The following ECI2 variants were observed in gnomAD, a reference collection of about 807,000 sequenced individuals.
ECI2 encodes enoyl-CoA delta isomerase 2, also known as D3,D2-enoyl-CoA isomerase.
ECI2 carries 27 observed loss-of-function variants against 38.4 expected under a neutral mutation model. The ratio of observed to expected loss-of-function variants is 0.70; its 90% CI spans 0.52 to 0.97. The LOEUF is 0.97. Ranked by LOEUF, ECI2 falls within the 50% of genes least tolerant of loss-of-function variation. ECI2 has a pLI of 0.00. For synonymous variants in ECI2, 168 were observed against 172.0 expected, an observed-to-expected ratio of 0.98 and a Z score of 0.18; for missense variants, 470 against 474.4, an observed-to-expected ratio of 0.99 and a Z score of 0.09.
At position 4,135,553 on chromosome 6, in the gene ECI2, A is replaced by G; in HGVS notation, c.8T>C (p.Met3Thr). The G allele has an allele frequency of 1.9e-6, 3 of 1,582,774 alleles. No individual in the cohort carries two copies. Among genetic ancestry groups the G allele is most frequent in the South Asian group, 2.2e-5 (2 of 90,588 alleles). MAMAYLAWRLARR... is the reference protein window; with the variant it reads MATAYLAWRLARR... ...CGCCAGTCTCCAAGCCAAGTACGCC[A>G]TCGCCATCCCTTGGGCGGCTCTAGG... The change falls in exon 1 of 10, where the codon ATG (methionine) becomes ACG (threonine). Residue 3 changes from methionine (M) to threonine (T), a missense_variant. Met to Thr is a moderately conservative substitution (Grantham distance 81). Transcript: ENST00000380118.
chr6:4,130,621 T>C (rs774526378), intron 3 of ECI2, 61 bp from the exon 4 acceptor site: 3 of 1,612,582 alleles, frequency 1.9e-6, no homozygotes, highest in African/African-American at 2.7e-5. Context: ...TTTGAGAAAG[T>C]TACTATACTA....
In ECI2 at chr6:4,127,764, G is replaced by C. The variant is rs145837796; in HGVS notation, c.569C>G (p.Thr190Arg). 9.9e-6 allele frequency: 16 copies of C among 1,612,596 alleles called. No individual in the cohort carries two copies. Among genetic ancestry groups the C allele is most frequent in the African/African-American group, 6.7e-5 (5 of 74,850 alleles). ...SKDDSIITVL[T>R]GNGDYYSSGN... ...GGATGCCTGAGAAAATGTCTTACCT[G>C]TTAAAACAGTGATGATTGAGTCATC... is the stretch of plus-strand genomic sequence containing the variant. The change falls in exon 5 of 10, where the codon ACA (threonine) becomes AGA (arginine). Residue 190 changes from threonine to arginine, a missense_variant and splice_region_variant. Physicochemically the swap from Thr to Arg is moderately conservative, Grantham distance 71 (BLOSUM62 -1). Transcript: ENST00000380118.
At position 4,133,672 on chromosome 6, in the gene ECI2, G is replaced by C. The variant is rs777551929; in HGVS notation, c.90C>G (p.His30Gln). ...TGGCTCTCATTGCTGTTCTATTCAT[G>C]TGCAGCTGAACTACCGGGAAACTAG... is the stretch of plus-strand genomic sequence containing the variant. ...QVTSFPVVQL[H>Q]MNRTAMRASQ... is the part of the protein sequence containing the mutation. The change falls in exon 2 of 10, where the codon CAC (histidine) becomes CAG (glutamine). Residue 30 changes from histidine to glutamine, a missense_variant. His to Gln is a conservative substitution (Grantham distance 24). Transcript: ENST00000380118. The C allele has an allele frequency of 6.2e-6, 10 of 1,612,852 alleles. No individual in the cohort carries two copies. The highest frequency in any genetic ancestry group is 8.5e-6 in the Non-Finnish European group (10 of 1,179,668).
At position 4,126,078 on chromosome 6, in the gene ECI2, C is replaced by T. The variant is rs1773134418; in HGVS notation, c.674+57G>A. On this transcript the variant is annotated intron_variant, in intron 6 of 9. Coordinates refer to ENST00000380118, the MANE Select transcript of ECI2 (RefSeq NM_206836.3). ...ATTGCACTTTTGCTCAACTAAATAC[C>T]ACTTTGATGACTAAGAACGGGCCCT... 5.7e-6 allele frequency: 8 copies of T among 1,410,136 alleles called. No individual in the cohort carries two copies. The East Asian group carries it at 1.8e-4, about 32-fold the overall frequency. 87.4% of individuals were successfully genotyped at this position (1,410,136 alleles called of 1,614,324 possible).
intron 8 of ECI2, 94 bp downstream of exon 8, chr6:4,119,092 T>A (rs986340377): frequency 1.9e-6 from 2 of 1,044,106 alleles, no homozygotes; most frequent in Non-Finnish European, 1.4e-6. Context: ...TTGTCCATAT[T>A]ACCAAGGGAA....
rs1294631767 is a variant in ECI2 at position 4,130,788 on chromosome 6, A to C, written c.291T>G (p.Asn97Lys). The C allele has an allele frequency of 6.2e-7, 1 of 1,614,132 alleles. No individual in the cohort carries two copies. The change falls in exon 3 of 10, where the codon AAT becomes AAG. Residue 97 changes from asparagine to lysine, a missense_variant. Transcript: ENST00000380118. Reference protein sequence around the residue: ...LINKAKWDAWNALGSLPKEAA... With the variant: ...LINKAKWDAWKALGSLPKEAA... ...TCACCTTGGGCAGGCTGCCAAGGGC[A>C]TTCCATGCGTCCCATTTGGCCTTGT...
chr6:4,131,779 C>A (rs945899118), intron 2 of ECI2, among the ~76,000 whole-genome samples: 3 of 152,144 alleles, frequency 2.0e-5, no homozygotes, highest in Admixed American at 6.5e-5. Flanking sequence ...ATTGCCTGAA[C>A]CTGGGAGGCA....
At chr6:4,118,094 G>A (rs1772401623) in intron 8 of ECI2, 1 of 152,236 alleles carries the variant, frequency 6.6e-6, no homozygotes, top group Non-Finnish European at 1.5e-5. Flanking sequence ...GCAGAGGCAC[G>A]ATCTTGGCTC....
chr6:4,133,501 G>A, intron 2 of ECI2, 48 bp downstream of exon 2: 2 of 1,557,422 alleles, frequency 1.3e-6, no homozygotes, highest in Non-Finnish European at 1.7e-6. Context: ...TATTTAAGAA[G>A]TCATTTGCCC....
At chr6:4,117,670 G>C (rs1772373514) in intron 8 of ECI2, 2 of 469,086 alleles carry the variant, frequency 4.3e-6, no homozygotes, top group Non-Finnish European at 7.2e-6. Context: ...CTGCTTCTGT[G>C]TATCGTTGTT....
intron 9 of ECI2, 144 bp downstream of exon 9, chr6:4,117,164 A>ATT (rs1198372004): frequency 9.5e-7 from 1 of 1,054,544 alleles, no homozygotes; most frequent in East Asian, 2.8e-5. Context: ...TACTACAGTT[A>ATT]TTTTTTAATT....
intron 4 of ECI2, 142 bp downstream of exon 4, chr6:4,130,230 A>G (rs781053650): frequency 6.2e-7 from 1 of 1,613,684 alleles, no homozygotes; most frequent in Middle Eastern, 1.6e-4. Flanking sequence ...TGTATGAAGT[A>G]GCCACAATTA....
intron 7 of ECI2, among the ~76,000 whole-genome samples, chr6:4,121,668 G>T (rs1772767893): frequency 6.8e-6 from 1 of 146,474 alleles, no homozygotes; most frequent in Non-Finnish European, 1.5e-5. Context: ...TTCAATATTG[G>T]TTATTTAGTA....
intron 7 of ECI2, among the ~76,000 whole-genome samples, chr6:4,122,839 G>A (rs1206371713): frequency 1.3e-5 from 2 of 152,146 alleles, no homozygotes; most frequent in Non-Finnish European, 2.9e-5. Context: ...ACGTGAATAT[G>A]TGTGTGTGTA....
intron 8 of ECI2, 139 bp downstream of exon 8, chr6:4,119,047 T>TC: frequency 1.4e-6 from 1 of 705,386 alleles, no homozygotes; most frequent in African/African-American, 1.8e-5. Flanking sequence ...GGTAAAACTC[T>TC]TAAAGAGTTG....
chr6:4,115,795 C>A lies in ECI2; in HGVS notation c.*79G>T. On this transcript the variant is annotated 3_prime_UTR_variant, in exon 10 of 10. Transcript: ENST00000380118. ...TAGCACTACAAAAGGCACAATGAAG[C>A]TTATTTAGTTCCAGTACTGGAAATC... The A allele has an allele frequency of 6.5e-7, 1 of 1,531,922 alleles. No homozygotes were observed. The highest frequency in any genetic ancestry group is 8.8e-7 in the Non-Finnish European group (1 of 1,132,664). 94.9% of individuals were successfully genotyped at this position (1,531,922 alleles called of 1,614,324 possible).
chr6:4,132,656 A>G (rs1423230542), intron 2 of ECI2, among the ~76,000 whole-genome samples: 1 of 152,194 alleles, frequency 6.6e-6, no homozygotes, highest in East Asian at 1.9e-4. Flanking sequence ...AAATTTTGTT[A>G]TAAAAATTTC....
Position 4,133,703 on chromosome 6 carries a change from T to A in ECI2, c.59A>T (p.Gln20Leu). The change falls in exon 2 of 10, where the codon CAG becomes CTG. Residue 20 changes from glutamine to leucine, a missense_variant. Gln to Leu is a moderately radical substitution (Grantham distance 113). Transcript: ENST00000380118. ...CTGAACTACCGGGAAACTAGTGACC[T>A]GCAGAGAACTACAATTAGGCAGACT... ...LARRSCPSSL[Q>L]VTSFPVVQLH... 1.2e-6 allele frequency: 2 copies of A among 1,606,032 alleles called. No individual in the cohort carries two copies. Among genetic ancestry groups the A allele is most frequent in the Non-Finnish European group, 1.7e-6 (2 of 1,177,302 alleles).
At chr6:4,125,656 C>A in intron 6 of ECI2, 1 of 467,492 alleles carries the variant, frequency 2.1e-6, no homozygotes, top group East Asian at 4.2e-5. Flanking sequence ...GTAAACCAGC[C>A]GCAGTCTTAG....
Sources: allele counts gnomAD v4.1 joint callset (sites outside exome capture counted in the v4.1 genomes callset), GRCh38; gene constraint gnomAD v4.1.1; transcripts MANE v1.5; gene names NCBI Gene and HGNC (gene_info 2026-07-23, HGNC 2026-07-21).